NEK4: variants seen among roughly 807,000 people sequenced by gnomAD.
NEK4 encodes the protein NIMA related kinase 4.
A neutral mutation model predicts 98.4 loss-of-function variants in NEK4; 86 were observed. The observed-to-expected ratio is 0.87, with a 90% CI of 0.73 to 1.05. The LOEUF (loss-of-function observed/expected upper bound fraction) is 1.05, where lower values mean the gene tolerates loss of function less well. NEK4 is among the 50% of genes least tolerant of loss of function. The probability of loss-of-function intolerance (pLI) is 0.00; values close to 1 mark genes in which losing one functional copy is unlikely to be tolerated. For missense variants in NEK4, 898 were observed against 950.3 expected, an observed-to-expected ratio of 0.94 and a Z score of 0.72; for synonymous variants, 328 against 342.2, an observed-to-expected ratio of 0.96 and a Z score of 0.46.
At chr3:52,763,364 T>G (rs938671352) in intron 5 of NEK4, 106 bp downstream of exon 5, 5 of 1,184,984 alleles carry the variant, frequency 4.2e-6, no homozygotes, top group Middle Eastern at 4.1e-4. Context: ...TTTTATTTCT[T>G]GTTTTTAAGA....
chr3:52,746,767 C>A lies in NEK4; in HGVS notation c.1644G>T (p.Gly548=). The change falls in exon 9 of 16, where the codon GGG becomes GGT. Residue 548 remains glycine, a synonymous_variant. Transcript: ENST00000233027. Reference sequence around the variant, plus strand: ...GATCTCTGCGGACCTGTCTCTTTTCCCCTCTGTGCTCAGTCTGTTCTCTCC... The same window carrying A: ...GATCTCTGCGGACCTGTCTCTTTTCACCTCTGTGCTCAGTCTGTTCTCTCC... ...QKRREQTEHR[G]EKRQVRRDLF... The A allele has an allele frequency of 6.2e-7, 1 of 1,613,916 alleles. No individual in the cohort carries two copies. Among genetic ancestry groups the A allele is most frequent in the Non-Finnish European group, 8.5e-7 (1 of 1,179,910 alleles).
chr3:52,735,271 C>G (rs972722777), intron 15 of NEK4, among the ~76,000 whole-genome samples: 2 of 152,196 alleles, frequency 1.3e-5, no homozygotes, highest in Non-Finnish European at 2.9e-5. Context: ...GATGTCTAAA[C>G]TTTTAAAACA....
chr3:52,758,402 C>T (rs1000054705), intron 6 of NEK4, among the ~76,000 whole-genome samples: 7 of 151,830 alleles, frequency 4.6e-5, no homozygotes, highest in African/African-American at 1.5e-4. Flanking sequence ...GTAAATTTTA[C>T]ATTATGTGTA....
chr3:52,746,624 G>T, intron 9 of NEK4, 110 bp downstream of exon 9: 2 of 944,000 alleles, frequency 2.1e-6, no homozygotes, highest in Non-Finnish European at 3.2e-6. Context: ...TCACCCTTCT[G>T]TATTATGTTC....
Position 52,752,027 on chromosome 3 carries a change from T to A in NEK4, c.1273A>T (p.Ile425Phe). Residue 425 changes from isoleucine (I) to phenylalanine (F), a missense_variant, in exon 7 of 16, where the codon ATT (isoleucine) becomes TTT (phenylalanine). Coordinates refer to ENST00000233027, the MANE Select transcript of NEK4 (RefSeq NM_003157.6). ...TKSSAQPENL[I>F]PMWSSDIVTG... ...ACAATGTCAGAGGACCACATGGGAA[T>A]CAGGTTTTCAGGCTGGGCACTGGAT... The A allele has an allele frequency of 6.2e-7, 1 of 1,614,212 alleles. No homozygotes were observed. The highest frequency in any genetic ancestry group is 8.5e-7 in the Non-Finnish European group (1 of 1,180,028).
chr3:52,768,102 A>C (rs1361739658), intron 2 of NEK4, among the ~76,000 whole-genome samples: 2 of 152,156 alleles, frequency 1.3e-5, no homozygotes, highest in Non-Finnish European at 2.9e-5. Flanking sequence ...ATAAATGGTA[A>C]TTGAGTGGGC....
At chr3:52,765,750 A>T in intron 4 of NEK4, 137 bp downstream of exon 4, 1 of 606,640 alleles carries the variant, frequency 1.6e-6, no homozygotes, top group Non-Finnish European at 3.0e-6. Context: ...CACAGAAGGG[A>T]CCCACCATTG....
At chr3:52,722,100 G>C (rs1057402215) in intron 15 of NEK4, among the ~76,000 whole-genome samples, 1 of 152,062 alleles carries the variant, frequency 6.6e-6, no homozygotes, top group Non-Finnish European at 1.5e-5. Context: ...ACTACCTACA[G>C]CCTACCCCTC....
Position 52,766,127 on chromosome 3 carries a change from C to A in NEK4, c.558+51G>T. The A allele has an allele frequency of 6.5e-7, 1 of 1,530,988 alleles. No individual in the cohort carries two copies. Among genetic ancestry groups the A allele is most frequent in the South Asian group, 1.2e-5 (1 of 86,628 alleles). 94.8% of individuals were successfully genotyped at this position (1,530,988 alleles called of 1,614,324 possible). On this transcript the variant is annotated intron_variant, in intron 3 of 15. Coordinates refer to ENST00000233027, the MANE Select transcript of NEK4 (RefSeq NM_003157.6). The stretch of plus-strand genomic sequence containing the variant: ...CTGACTTAATTAACTTCTGAAATTA[C>A]AAGCACTCTCCCAGAGACAAGGTAA...
At chr3:52,744,146 A>T (rs1226620197) in intron 11 of NEK4, 93 bp downstream of exon 11, 1 of 866,962 alleles carries the variant, frequency 1.2e-6, no homozygotes, top group Non-Finnish European at 2.0e-6. Flanking sequence ...CTGCTGCTGG[A>T]AAGTTTCAAC....
intron 10 of NEK4, 140 bp from the exon 11 acceptor site, chr3:52,744,445 G>A: frequency 4.2e-6 from 3 of 712,696 alleles, no homozygotes; most frequent in Non-Finnish European, 7.5e-6. Context: ...CAGCACTCTG[G>A]GAGGCTGGGG....
At chr3:52,724,987 T>C (rs576276222) in intron 15 of NEK4, among the ~76,000 whole-genome samples, 1 of 152,198 alleles carries the variant, frequency 6.6e-6, no homozygotes, top group Non-Finnish European at 1.5e-5. Flanking sequence ...AGAAATACCT[T>C]TGGTAAAGAT....
intron 1 of NEK4, among the ~76,000 whole-genome samples, chr3:52,770,404 T>A (rs1346033353): frequency 6.6e-6 from 1 of 150,922 alleles, no homozygotes; most frequent in African/African-American, 2.4e-5. Context: ...AATTTTTACA[T>A]AAAACTTAGA....
chr3:52,764,122 TA>T (rs1698461053), intron 4 of NEK4, among the ~76,000 whole-genome samples: 1 of 151,254 alleles, frequency 6.6e-6, no homozygotes, highest in Non-Finnish European at 1.5e-5. Flanking sequence ...CCGTCTCTAC[TA>T]AAAATACAAA....
At chr3:52,728,630 G>A (rs569778085) in intron 15 of NEK4, among the ~76,000 whole-genome samples, 83 of 152,244 alleles carry the variant, frequency 5.5e-4, no homozygotes, top group African/African-American at 1.6e-3. Flanking sequence ...GAATAACAGC[G>A]ATTTTCAGGG....
chr3:52,756,824 T>C (rs568738266), intron 6 of NEK4, among the ~76,000 whole-genome samples: 2 of 152,096 alleles, frequency 1.3e-5, no homozygotes, highest in South Asian at 4.2e-4. Context: ...ACCCACAAAA[T>C]GAGAGAAAAT....
chr3:52,744,056 C>G (rs2097391283), intron 11 of NEK4, among the ~76,000 whole-genome samples, 183 bp downstream of exon 11: 1 of 152,206 alleles, frequency 6.6e-6, no homozygotes, highest in Admixed American at 6.5e-5. Context: ...GAACCACATT[C>G]AACACCCTAT....
intron 6 of NEK4, among the ~76,000 whole-genome samples, chr3:52,753,332 G>A (rs1380133580): frequency 6.6e-6 from 1 of 152,150 alleles, no homozygotes; most frequent in Non-Finnish European, 1.5e-5. Context: ...CCAGGACAGG[G>A]CAGGGAGCAA....
chr3:52,720,687 A>G (rs755842293), intron 15 of NEK4, among the ~76,000 whole-genome samples: 2 of 152,226 alleles, frequency 1.3e-5, no homozygotes, highest in Non-Finnish European at 2.9e-5. Context: ...CAAAAATAAA[A>G]GTGAAATAAG....
Sources: allele counts gnomAD v4.1 joint callset (sites outside exome capture counted in the v4.1 genomes callset), GRCh38; gene constraint gnomAD v4.1.1; transcripts MANE v1.5; gene names NCBI Gene and HGNC (gene_info 2026-07-23, HGNC 2026-07-21).